Variants in AGBL4 observed in about 807,000 individuals in gnomAD.
AGBL4 encodes the protein AGBL carboxypeptidase 4.
Under a neutral mutation model 66.4 loss-of-function variants are expected in AGBL4, and 58 were observed. That is an observed-to-expected ratio of 0.87 (90% CI 0.71 to 1.09). AGBL4 has a LOEUF of 1.09. Among genes scored for constraint, AGBL4 ranks in the 50% least tolerant of loss-of-function variants. The probability of loss-of-function intolerance (pLI) is 0.00; values close to 1 mark genes in which losing one functional copy is unlikely to be tolerated. For synonymous variants in AGBL4, 234 were observed against 222.9 expected (o/e 1.05, Z -0.44); for missense variants, 579 against 631.0 (o/e 0.92, Z 0.88).
At chr1:49,257,798 T>G (rs1652677252) in intron 3 of AGBL4, among the ~76,000 whole-genome samples, 3 of 152,146 alleles carry the variant, frequency 2.0e-5, no homozygotes, top group African/African-American at 7.2e-5. Flanking sequence ...GCTGTTCCTA[T>G]TCGGCCATCT....
chr1:49,082,694 C>T (rs976332149), intron 4 of AGBL4, among the ~76,000 whole-genome samples: 1 of 152,140 alleles, frequency 6.6e-6, no homozygotes, highest in Non-Finnish European at 1.5e-5. Context: ...CATGGCCTCT[C>T]CCAAATCTCA....
chr1:48,760,205 C>G (rs1309633488), intron 6 of AGBL4, among the ~76,000 whole-genome samples: 1 of 152,136 alleles, frequency 6.6e-6, no homozygotes, highest in Non-Finnish European at 1.5e-5. Flanking sequence ...GGTTCCACTG[C>G]CTAAGGAAAT....
At chr1:48,813,655 A>G (rs1334799049) in intron 6 of AGBL4, among the ~76,000 whole-genome samples, 1 of 152,266 alleles carries the variant, frequency 6.6e-6, no homozygotes, top group African/African-American at 2.4e-5. Flanking sequence ...GCTAAGAGTA[A>G]GGTGTTGCTT....
chr1:48,912,808 G>A (rs1246698125), intron 5 of AGBL4, among the ~76,000 whole-genome samples: 1 of 152,166 alleles, frequency 6.6e-6, no homozygotes, highest in Non-Finnish European at 1.5e-5. Flanking sequence ...CACAACAGTT[G>A]TGGAGACAGA....
chr1:49,554,361 G>A (rs891504883), intron 3 of AGBL4, among the ~76,000 whole-genome samples: 1 of 152,086 alleles, frequency 6.6e-6, no homozygotes, highest in African/African-American at 2.4e-5. Context: ...GAAGAGCCTT[G>A]AAAATGCAAA....
At chr1:49,575,776 C>G (rs777026149) in intron 3 of AGBL4, among the ~76,000 whole-genome samples, 4 of 152,194 alleles carry the variant, frequency 2.6e-5, no homozygotes, top group South Asian at 2.1e-4. Context: ...TAAGGCCCAC[C>G]AGAAGCAATT....
chr1:48,637,020 T>C (rs1645678234), intron 8 of AGBL4, among the ~76,000 whole-genome samples: 1 of 152,196 alleles, frequency 6.6e-6, no homozygotes, highest in African/African-American at 2.4e-5. Context: ...ATAAGAGATA[T>C]TCTCTAACCT....
At chr1:49,378,148 C>G (rs770676895) in intron 3 of AGBL4, among the ~76,000 whole-genome samples, 7 of 152,028 alleles carry the variant, frequency 4.6e-5, no homozygotes, top group Non-Finnish European at 7.4e-5. Context: ...ATGTAAGGCC[C>G]TTCTGAGTGT....
chr1:49,105,657 A>G (rs547602491), intron 4 of AGBL4, among the ~76,000 whole-genome samples: 35 of 152,190 alleles, frequency 2.3e-4, no homozygotes, highest in Non-Finnish European at 2.6e-4. Flanking sequence ...TGTGTGACAT[A>G]GTAGCTGTGT....
chr1:48,717,020 G>A (rs759090360), intron 6 of AGBL4, among the ~76,000 whole-genome samples: 3 of 152,190 alleles, frequency 2.0e-5, no homozygotes, highest in East Asian at 1.9e-4. Context: ...ACAGTGACCC[G>A]CTTCTGACTT....
At chr1:49,086,584 C>T (rs1644911295) in intron 4 of AGBL4, among the ~76,000 whole-genome samples, 1 of 152,112 alleles carries the variant, frequency 6.6e-6, no homozygotes, top group Non-Finnish European at 1.5e-5. Flanking sequence ...TCTGCTAGAG[C>T]TTCCACCCAA....
In AGBL4 at chr1:49,948,582, T is replaced by TATAGAGAG. The variant is rs1262445487; in HGVS notation, c.34+75180_34+75181insCTCTCTAT. ...ATATAAAAATATATATATATATATATAGAGAGAGAGAGAGAGAGAGAGAGA... is the reference window on the plus strand; with the variant it reads ...ATATAAAAATATATATATATATATATATAGAGAGAGAGAGAGAGAGAGAGAGAGAGAGA... On this transcript the variant is annotated intron_variant, in intron 1 of 13. Coordinates refer to ENST00000371839, the MANE Select transcript of AGBL4 (RefSeq NM_032785.4). Among the ~76,000 whole-genome samples the TATAGAGAG allele has an allele frequency of 1.1e-4, 14 of 126,902 alleles. 1 individual carries two copies. In the South Asian group the frequency reaches 3.2e-3, roughly 29 times the overall value. 83.3% of individuals were successfully genotyped at this position (126,902 alleles called of 152,430 possible).
At chr1:48,634,079 A>G (rs1373250707) in intron 9 of AGBL4, 2 of 154,218 alleles carry the variant, frequency 1.3e-5, no homozygotes, top group African/African-American at 4.8e-5. Flanking sequence ...TTTGGATGTG[A>G]CACTCAGCAG....
At chr1:49,370,406 T>C (rs899015197) in intron 3 of AGBL4, among the ~76,000 whole-genome samples, 19 of 152,106 alleles carry the variant, frequency 1.2e-4, no homozygotes, top group African/African-American at 4.1e-4. Flanking sequence ...AGGATTTCTA[T>C]GTTATGGTCT....
chr1:49,023,115 G>T (rs949507506), intron 5 of AGBL4, among the ~76,000 whole-genome samples: 1 of 152,196 alleles, frequency 6.6e-6, no homozygotes, highest in South Asian at 2.1e-4. Flanking sequence ...CAAGAGAAAA[G>T]CTCTGCCTAC....
intron 3 of AGBL4, among the ~76,000 whole-genome samples, chr1:49,480,588 T>C (rs1646936713): frequency 6.6e-6 from 1 of 152,122 alleles, no homozygotes; most frequent in South Asian, 2.1e-4. Flanking sequence ...TTTTGTAGAT[T>C]ATCTGTTTCT....
chr1:49,516,998 G>A (rs569568842), intron 3 of AGBL4, among the ~76,000 whole-genome samples: 35 of 151,984 alleles, frequency 2.3e-4, no homozygotes, highest in Middle Eastern at 3.4e-3. Context: ...AACAGATTCC[G>A]TTTACATTAT....
Position 48,534,038 on chromosome 1 carries a change from A to T in AGBL4, c.*135T>A. The T allele has an allele frequency of 7.3e-7, 1 of 1,366,286 alleles. No homozygotes were observed. 84.6% of individuals were successfully genotyped at this position (1,366,286 alleles called of 1,614,324 possible). A position where few individuals can be genotyped will look rare whatever the true frequency, so the allele number is the denominator to read the frequency against. On this transcript the variant is annotated 3_prime_UTR_variant, in exon 14 of 14. Coordinates refer to ENST00000371839, the MANE Select transcript of AGBL4 (RefSeq NM_032785.4). ...GGGAAAATCAGTGATGAAGTTTCTC[A>T]TTGTATCCCTTCCCTTTCACTAGCC...
chr1:49,570,868 T>C (rs1213535449), intron 3 of AGBL4, among the ~76,000 whole-genome samples: 1 of 152,126 alleles, frequency 6.6e-6, no homozygotes, highest in Non-Finnish European at 1.5e-5. Flanking sequence ...TAAGTTTTTG[T>C]CAACTTTTTC....
Sources: gnomAD v4.1 joint callset for allele counts (sites outside exome capture counted in the v4.1 genomes callset) on GRCh38, gnomAD v4.1.1 for gene constraint, MANE v1.5 for transcripts, NCBI Gene and HGNC (gene_info 2026-07-23, HGNC 2026-07-21) for gene names.